Variants in ADARB2 observed in about 807,000 individuals in gnomAD.
The protein encoded by ADARB2 is adenosine deaminase RNA specific B2 (inactive), also known as inactive double-stranded RNA-specific editase B2.
Under a neutral mutation model 62.2 loss-of-function variants are expected in ADARB2, and 25 were observed. The ratio of observed to expected loss-of-function variants is 0.40; its 90% CI spans 0.29 to 0.56. The LOEUF is 0.56. Among genes scored for constraint, ADARB2 ranks in the 20% least tolerant of loss-of-function variants. ADARB2 has a pLI of 0.43. For synonymous variants in ADARB2, 572 were observed against 500.8 expected (o/e 1.14, Z -1.90); for missense variants, 1,071 against 1,077.4 (o/e 0.99, Z 0.08).
chr10:1,373,514 T>A (rs1442680221), intron 2 of ADARB2, among the ~76,000 whole-genome samples: 1 of 152,182 alleles, frequency 6.6e-6, no homozygotes, highest in African/African-American at 2.4e-5. Flanking sequence ...CACATGTAAT[T>A]GTGCATGTGT....
At chr10:1,599,048 C>T (rs1371956855) in intron 1 of ADARB2, among the ~76,000 whole-genome samples, 2 of 152,242 alleles carry the variant, frequency 1.3e-5, no homozygotes, top group Non-Finnish European at 2.9e-5. Context: ...CCAAGAGTGC[C>T]ATGTTAACGG....
intron 1 of ADARB2, among the ~76,000 whole-genome samples, chr10:1,382,599 C>T (rs995755519): frequency 1.1e-4 from 16 of 152,104 alleles, no homozygotes; most frequent in African/African-American, 1.7e-4. Flanking sequence ...TAGTTCAATA[C>T]GAGTGGAACT....
At chr10:1,564,134 G>A (rs1832826898) in intron 1 of ADARB2, among the ~76,000 whole-genome samples, 1 of 152,050 alleles carries the variant, frequency 6.6e-6, no homozygotes, top group African/African-American at 2.4e-5. Flanking sequence ...ATAGTCCATT[G>A]GGTATATACC....
At chr10:1,198,650 A>T (rs1477733965) in intron 8 of ADARB2, among the ~76,000 whole-genome samples, 3 of 152,260 alleles carry the variant, frequency 2.0e-5, no homozygotes, top group Non-Finnish European at 4.4e-5. Flanking sequence ...GATCGGAAGC[A>T]GACAGGTGTC....
At chr10:1,190,723 G>A (rs749597986) in intron 8 of ADARB2, among the ~76,000 whole-genome samples, 1 of 152,060 alleles carries the variant, frequency 6.6e-6, no homozygotes, top group Non-Finnish European at 1.5e-5. Flanking sequence ...TATCTCCCCC[G>A]CCTCCCTCTT....
Position 1,737,414 on chromosome 10 carries a change from G to C in ADARB2, c.-264C>G. 2.1e-6 allele frequency: 1 copy of C among 466,530 alleles called. No homozygotes were observed. The highest frequency in any genetic ancestry group is 3.5e-5 in the Admixed American group (1 of 28,964). 28.9% of individuals were successfully genotyped at this position (466,530 alleles called of 1,614,324 possible). A position where few individuals can be genotyped will look rare whatever the true frequency, so the allele number is the denominator to read the frequency against. ...GGTCAGGGAGGGCGGGGAAGGGCGC[G>C]CGGCGTCCTGAGTGCTCCGAGCTTC... On this transcript the variant is annotated 5_prime_UTR_variant, in exon 1 of 10. Coordinates refer to ENST00000381312, the MANE Select transcript of ADARB2 (RefSeq NM_018702.4).
chr10:1,578,369 T>A (rs1158788518), intron 1 of ADARB2, among the ~76,000 whole-genome samples: 10 of 152,348 alleles, frequency 6.6e-5, no homozygotes, highest in South Asian at 2.1e-4. Context: ...GTGACATTTT[T>A]AAATTAAAAA....
rs370293279 is a variant in ADARB2 at position 1,715,157 on chromosome 10, T to G, written c.100+21894A>C. Among the ~76,000 whole-genome samples, 5 of 152,260 alleles carry G rather than the reference T, an allele frequency of 3.3e-5. No individual in the cohort carries two copies. In the East Asian group the frequency reaches 7.7e-4, roughly 24 times the overall value. On this transcript the variant is annotated intron_variant, in intron 1 of 9. Coordinates refer to ENST00000381312, the MANE Select transcript of ADARB2 (RefSeq NM_018702.4). The stretch of plus-strand genomic sequence containing the variant: ...TGGTGTGACATCCTGGTTTGGTTGC[T>G]TTTATTAGAAAGCAAGAAGTCTCTA...
intron 1 of ADARB2, among the ~76,000 whole-genome samples, chr10:1,669,300 G>A (rs546758995): frequency 8.1e-4 from 124 of 152,262 alleles, no homozygotes; most frequent in African/African-American, 2.8e-3. Context: ...CCCCTAGAAG[G>A]GAACAGAGGT....
intron 1 of ADARB2, among the ~76,000 whole-genome samples, chr10:1,490,869 G>A (rs1008934045): frequency 2.6e-5 from 4 of 152,136 alleles, no homozygotes; most frequent in African/African-American, 7.2e-5. Context: ...TACCCCAGTT[G>A]TCTCATGAAC....
intron 1 of ADARB2, among the ~76,000 whole-genome samples, chr10:1,531,411 T>C (rs1832238078): frequency 1.3e-5 from 2 of 152,178 alleles, no homozygotes; most frequent in African/African-American, 4.8e-5. Flanking sequence ...GACAGTTCCT[T>C]AATTAAAAAT....
chr10:1,215,872 G>T (rs78359999), intron 7 of ADARB2: 8 of 152,244 alleles, frequency 5.3e-5, no homozygotes, highest in Admixed American at 1.3e-4. Context: ...AGACCAATGT[G>T]GGGGAGGTCT....
rs376426668 is a variant in ADARB2 at position 1,695,794 on chromosome 10, A to C, written c.100+41257T>G. 1.7e-4 allele frequency among the ~76,000 whole-genome samples: 26 copies of C among 152,212 alleles called. No homozygotes were observed. The South Asian group carries it at 5.2e-3, about 30-fold the overall frequency. On this transcript the variant is annotated intron_variant, in intron 1 of 9. Coordinates refer to ENST00000381312, the MANE Select transcript of ADARB2 (RefSeq NM_018702.4). ...TGTGTCTGTGCATACACATGGGTGC[A>C]TGTGTGTATATATGTACATGTGTTT...
intron 7 of ADARB2, among the ~76,000 whole-genome samples, chr10:1,209,488 CACT>C (rs1837117355): frequency 7.0e-6 from 1 of 142,466 alleles, no homozygotes; most frequent in African/African-American, 2.8e-5. Context: ...CCCATGCCTA[CACT>C]GTCGCCCATG....
chr10:1,594,407 C>T (rs958953370), intron 1 of ADARB2, among the ~76,000 whole-genome samples: 19 of 152,178 alleles, frequency 1.2e-4, no homozygotes, highest in Non-Finnish European at 2.1e-4. Context: ...TTTCTCTCTC[C>T]ATTTTTCTCC....
intron 1 of ADARB2, among the ~76,000 whole-genome samples, chr10:1,628,932 C>G (rs535090811): frequency 6.6e-6 from 1 of 152,204 alleles, no homozygotes; most frequent in African/African-American, 2.4e-5. Flanking sequence ...GACTCAAGAT[C>G]GGTCTGTGCT....
chr10:1,549,686 T>A (rs10903479), intron 1 of ADARB2, among the ~76,000 whole-genome samples: 87,635 of 151,984 alleles, frequency 0.58, 25,533 homozygotes, highest in East Asian at 0.76. Context: ...GTCACAGAGT[T>A]GGCCAAACCC....
chr10:1,617,605 C>T (rs1305096758), intron 1 of ADARB2, among the ~76,000 whole-genome samples: 1 of 147,108 alleles, frequency 6.8e-6, no homozygotes, highest in Admixed American at 6.7e-5. Flanking sequence ...CCCTGCTGAG[C>T]TCTGCATCCT....
intron 1 of ADARB2, among the ~76,000 whole-genome samples, chr10:1,602,384 C>T (rs909573719): frequency 6.6e-6 from 1 of 152,210 alleles, no homozygotes; most frequent in Non-Finnish European, 1.5e-5. Flanking sequence ...AGCAATTCCT[C>T]ACACCACGCT....
Sources: allele counts gnomAD v4.1 joint callset (sites outside exome capture counted in the v4.1 genomes callset), GRCh38; gene constraint gnomAD v4.1.1; transcripts MANE v1.5; gene names NCBI Gene and HGNC (gene_info 2026-07-23, HGNC 2026-07-21).